Variants in ATM observed in about 807,000 individuals in gnomAD.
ATM encodes serine-protein kinase ATM.
Under a neutral mutation model 387.0 loss-of-function variants are expected in ATM, and 308 were observed. The observed-to-expected ratio is 0.80, with a 90% CI of 0.73 to 0.87. The LOEUF (loss-of-function observed/expected upper bound fraction) is 0.87, where lower values mean the gene tolerates loss of function less well. Among genes scored for constraint, ATM ranks in the 40% least tolerant of loss-of-function variants. The pLI, the probability that ATM is intolerant of heterozygous loss-of-function variation, is 0.00. For synonymous variants in ATM, 1,156 were observed against 1,187.3 expected, an observed-to-expected ratio of 0.97 and a Z score of 0.54; for missense variants, 3,312 against 3,560.9, an observed-to-expected ratio of 0.93 and a Z score of 1.78.
chr11:108,228,711 A>G (rs892253492), intron 3 of ATM, among the ~76,000 whole-genome samples: 3 of 152,238 alleles, frequency 2.0e-5, no homozygotes, highest in Non-Finnish European at 4.4e-5. Flanking sequence ...TACAACCTGA[A>G]GATGAATACT....
chr11:108,361,529 A>G (rs75709264), intron 61 of ATM, among the ~76,000 whole-genome samples: 70 of 152,112 alleles, frequency 4.6e-4, no homozygotes, highest in Middle Eastern at 3.4e-3. Context: ...GAGGCATCAC[A>G]CTACCTGACT....
At position 108,268,597 on chromosome 11, in the gene ATM, C is replaced by T. The variant is rs1025892576; in HGVS notation, c.2826C>T (p.Leu942=). The T allele has an allele frequency of 6.2e-7, 1 of 1,613,902 alleles. No homozygotes were observed. Among genetic ancestry groups the T allele is most frequent in the Non-Finnish European group, 8.5e-7 (1 of 1,179,934 alleles). The change falls in exon 18 of 63, where the codon CTC becomes CTT. Residue 942 remains leucine, a synonymous_variant. Transcript: ENST00000675843. ...GCACGCTAGAACCTACCAAATCCCT[C>T]CACCTGCATATGGTGAGTTACGTTA... ...DSSTLEPTKS[L]HLHMYLMLLK... is the part of the protein sequence containing the mutation.
chr11:108,271,270 C>T lies in ATM; in HGVS notation c.2941C>T (p.Arg981Cys), dbSNP rs587780619. ...KPLSNVCSLY[R>C]RDQDVCKTIL... ...CCACAGCAATGTGTGTTCTTTGTAT[C>T]GTCGTGACCAAGATGTTTGTAAAAC... is the stretch of plus-strand genomic sequence containing the variant. The change falls in exon 20 of 63, where the codon CGT (arginine) becomes TGT (cysteine). Residue 981 changes from arginine to cysteine, a missense_variant. Physicochemically the swap from Arg to Cys is radical, Grantham distance 180. Coordinates refer to ENST00000675843, the MANE Select transcript of ATM (RefSeq NM_000051.4). The T allele has an allele frequency of 1.2e-5, 20 of 1,610,588 alleles. No homozygotes were observed. The highest frequency in any genetic ancestry group is 1.6e-4 in the Middle Eastern group (1 of 6,074).
rs200494541 is a variant in ATM at position 108,279,622 on chromosome 11, A to C, written c.3402+14A>C. The C allele has an allele frequency of 1.7e-5, 27 of 1,569,058 alleles. No homozygotes were observed. In the East Asian group the frequency reaches 4.3e-4, roughly 25 times the overall value. ...ATGAGAGAAATGGTAATTTTAAGTAACATGTATTTGCTGTTATCATATGCT... is the reference window on the plus strand; with the variant it reads ...ATGAGAGAAATGGTAATTTTAAGTACCATGTATTTGCTGTTATCATATGCT... On this transcript the variant is annotated intron_variant, in intron 23 of 62. Coordinates refer to ENST00000675843, the MANE Select transcript of ATM (RefSeq NM_000051.4).
chr11:108,256,412 T>C, intron 14 of ATM, 72 bp downstream of exon 14: 2 of 1,510,850 alleles, frequency 1.3e-6, no homozygotes, highest in Non-Finnish European at 1.8e-6. Flanking sequence ...ATTATTACAT[T>C]TGTTTGGAAG....
At chr11:108,267,823 A>G (rs1226474900) in intron 17 of ATM, among the ~76,000 whole-genome samples, 1 of 152,258 alleles carries the variant, frequency 6.6e-6, no homozygotes, top group East Asian at 1.9e-4. Flanking sequence ...ATGCCACTGC[A>G]TTCCAGCCTG....
intron 45 of ATM, among the ~76,000 whole-genome samples, chr11:108,324,209 G>T (rs982259845): frequency 6.6e-6 from 1 of 152,052 alleles, no homozygotes; most frequent in Non-Finnish European, 1.5e-5. Context: ...TTTTGGAAAT[G>T]TTTAATAAAA....
At chr11:108,257,714 G>C in intron 15 of ATM, 108 bp downstream of exon 15, 1 of 1,134,096 alleles carries the variant, frequency 8.8e-7, no homozygotes, top group Non-Finnish European at 1.3e-6. Flanking sequence ...TGACCTCCTG[G>C]TTTCCAGCAA....
intron 33 of ATM, among the ~76,000 whole-genome samples, chr11:108,298,741 GT>G (rs1174086980): frequency 1.1e-4 from 17 of 151,640 alleles, no homozygotes; most frequent in Non-Finnish European, 2.1e-4. Flanking sequence ...TAGAAAGGAA[GT>G]AAAACTATCT....
rs191919700 is a variant in ATM, at chr11:108,260,965, C to T, written c.2466+1890C>T. 7.5e-3 allele frequency among the ~76,000 whole-genome samples: 1,137 copies of T among 151,574 alleles called. 8 individuals are homozygous for T. The highest frequency in any genetic ancestry group is 0.024 in the African/African-American group (1,001 of 41,318). On this transcript the variant is annotated intron_variant, in intron 16 of 62. Transcript: ENST00000675843. ...AACGGCGCACCACGAGATTATATCCCGCACCTGGCTCGGAGGGTCCTACGC... is the reference window on the plus strand; with the variant it reads ...AACGGCGCACCACGAGATTATATCCTGCACCTGGCTCGGAGGGTCCTACGC...
rs750513866 is a variant in ATM, at chr11:108,329,179, C to T, written c.7248C>T (p.Leu2416=). The T allele has an allele frequency of 6.2e-7, 1 of 1,613,966 alleles. No individual in the cohort carries two copies. The highest frequency in any genetic ancestry group is 8.5e-7 in the Non-Finnish European group (1 of 1,179,968). Residue 2416 remains leucine, a synonymous_variant, in exon 49 of 63, where the codon CTC becomes CTT. Transcript: ENST00000675843. The part of the protein sequence containing the change: ...KSSEFENKQA[L]LKRAKEEVGL... ...CGGAATTTGAAAACAAGCAAGCTCT[C>T]CTGAAAAGAGCCAAAGAGGAAGTAG...
chr11:108,289,233 T>C, intron 28 of ATM, 130 bp downstream of exon 28: 1 of 970,160 alleles, frequency 1.0e-6, no homozygotes, highest in South Asian at 1.7e-5. Context: ...AGGAAAACAT[T>C]CATTTACAAG....
intron 18 of ATM, among the ~76,000 whole-genome samples, chr11:108,269,298 A>G (rs867567942): frequency 3.3e-5 from 5 of 152,174 alleles, no homozygotes; most frequent in South Asian, 2.1e-4. Flanking sequence ...TGACCTTCAT[A>G]TATTTGAATA....
At chr11:108,315,747 A>T (rs2084572077) in intron 40 of ATM, 76 bp from the exon 41 acceptor site, 1 of 1,088,022 alleles carries the variant, frequency 9.2e-7, no homozygotes, top group Admixed American at 1.8e-5. Context: ...ATTGGTAATG[A>T]TACAATTTAA....
At chr11:108,275,498 AC>A (rs1235556189) in intron 22 of ATM, among the ~76,000 whole-genome samples, 1 of 152,184 alleles carries the variant, frequency 6.6e-6, no homozygotes, top group African/African-American at 2.4e-5. Context: ...AGTGGCTGGT[AC>A]CAGCTTTGCC....
chr11:108,357,317 G>A (rs227051), intron 61 of ATM, among the ~76,000 whole-genome samples: 76,019 of 149,158 alleles, frequency 0.51, 19,574 homozygotes, highest in Middle Eastern at 0.72. Flanking sequence ...CTCGCTGATT[G>A]CTAGCACAGC....
intron 5 of ATM, among the ~76,000 whole-genome samples, chr11:108,241,738 CTTTCTTTTTTTTTTTT>C (rs1378655276): frequency 2.4e-5 from 2 of 82,090 alleles, no homozygotes; most frequent in Admixed American, 1.6e-4. Context: ...GTCTTTCTTT[CTTTCTTTTTTTTTTTT>C]TTTTTTTTTT....
chr11:108,332,646 T>A (rs2086386310), intron 52 of ATM, 116 bp from the exon 53 acceptor site: 1 of 1,118,888 alleles, frequency 8.9e-7, no homozygotes, highest in Admixed American at 2.2e-5. Context: ...GGAATTATAA[T>A]CATTCCATTG....
At chr11:108,247,151 A>G in intron 8 of ATM, 24 bp downstream of exon 8, 1 of 1,612,576 alleles carries the variant, frequency 6.2e-7, no homozygotes. Context: ...GTCATGTCAC[A>G]TTTAGAAATT....
Sources: allele counts gnomAD v4.1 joint callset (sites outside exome capture counted in the v4.1 genomes callset), GRCh38; gene constraint gnomAD v4.1.1; transcripts MANE v1.5; gene names NCBI Gene and HGNC (gene_info 2026-07-23, HGNC 2026-07-21).